Variants in ZSCAN25 observed in about 807,000 individuals in gnomAD.
ZSCAN25 encodes the protein zinc finger and SCAN domain-containing protein 25.
ZSCAN25 carries 27 observed loss-of-function variants against 38.7 expected under a neutral mutation model. The ratio of observed to expected loss-of-function variants is 0.70; its 90% CI spans 0.51 to 0.96. ZSCAN25 has a LOEUF of 0.96. Among genes scored for constraint, ZSCAN25 ranks in the 40% least tolerant of loss-of-function variants. The probability of loss-of-function intolerance (pLI) is 0.00; values close to 1 mark genes in which losing one functional copy is unlikely to be tolerated. For missense variants in ZSCAN25, 637 were observed against 705.9 expected (o/e 0.90, Z 1.11); for synonymous variants, 273 against 277.7 (o/e 0.98, Z 0.17).
chr7:99,667,043 A>G, the ZSCAN25 span: 1 of 1,614,112 alleles, frequency 6.2e-7, no homozygotes, highest in Non-Finnish European at 8.5e-7. Flanking sequence ...GGCACTTTTC[A>G]TAAATCCCAC....
chr7:99,677,467 G>T, the ZSCAN25 span, among the ~76,000 whole-genome samples: 1 of 152,218 alleles, frequency 6.6e-6, no homozygotes, highest in African/African-American at 2.4e-5. Flanking sequence ...GTGCAGTATG[G>T]CATATAAGAT....
chr7:99,717,433 ACTC>A, the ZSCAN25 span: 1 of 1,584,374 alleles, frequency 6.3e-7, no homozygotes, highest in Non-Finnish European at 8.6e-7. Context: ...TCAGCAGACT[ACTC>A]CTCGGAAAGG....
intron 6 of ZSCAN25, 57 bp from the exon 7 acceptor site, chr7:99,623,998 AGC>A: frequency 6.2e-7 from 1 of 1,610,806 alleles, no homozygotes; most frequent in Non-Finnish European, 8.5e-7. Flanking sequence ...TACAGACATG[AGC>A]CACTGTCTCT....
chr7:99,650,191 G>A, the ZSCAN25 span: 3 of 1,614,076 alleles, frequency 1.9e-6, no homozygotes, highest in East Asian at 2.2e-5. Flanking sequence ...TCCAAAGGGT[G>A]TGTATATGTA....
the ZSCAN25 span, among the ~76,000 whole-genome samples, chr7:99,658,520 TC>T: frequency 6.6e-6 from 1 of 152,120 alleles, no homozygotes; most frequent in South Asian, 2.1e-4. Flanking sequence ...TAACATTTTT[TC>T]CTTCATTTCA....
the ZSCAN25 span, chr7:99,713,400 C>T: frequency 1.2e-6 from 2 of 1,603,840 alleles, no homozygotes; most frequent in South Asian, 2.2e-5. Flanking sequence ...ATACTTCCTG[C>T]ACATTTTCAG....
chr7:99,724,456 C>A, the ZSCAN25 span, among the ~76,000 whole-genome samples: 2 of 152,102 alleles, frequency 1.3e-5, no homozygotes, highest in Non-Finnish European at 2.9e-5. Context: ...TGTGACTCAT[C>A]CCAAATCTTT....
the ZSCAN25 span, among the ~76,000 whole-genome samples, chr7:99,637,542 A>G: frequency 6.6e-6 from 1 of 152,200 alleles, no homozygotes; most frequent in Non-Finnish European, 1.5e-5. Flanking sequence ...CTGCTCGTGC[A>G]TGATGTATGT....
the ZSCAN25 span, among the ~76,000 whole-genome samples, chr7:99,666,280 A>G: frequency 6.6e-6 from 1 of 152,342 alleles, no homozygotes; most frequent in South Asian, 2.1e-4. Context: ...CCACAGTTCC[A>G]TATCCACTAC....
the ZSCAN25 span, among the ~76,000 whole-genome samples, chr7:99,734,142 A>G: frequency 6.6e-6 from 1 of 152,240 alleles, no homozygotes; most frequent in African/African-American, 2.4e-5. Context: ...CAGTAGATGG[A>G]AACTATGTTA....
the ZSCAN25 span, among the ~76,000 whole-genome samples, chr7:99,711,699 C>A: frequency 6.6e-6 from 1 of 152,268 alleles, no homozygotes; most frequent in Non-Finnish European, 1.5e-5. Flanking sequence ...ATCTGGGAGG[C>A]TGAGGTTGTG....
chr7:99,735,276 T>A, the ZSCAN25 span: 22 of 741,948 alleles, frequency 3.0e-5, 1 homozygote, highest in African/African-American at 2.6e-4. Context: ...AGGGCCCCCG[T>A]GCTCTGCCTG....
chr7:99,619,998 G>T lies in ZSCAN25; in HGVS notation c.387+5G>T, dbSNP rs754706523. 18 of 1,607,718 alleles carry T rather than the reference G, an allele frequency of 1.1e-5. No homozygotes were observed. Among genetic ancestry groups the T allele is most frequent in the Non-Finnish European group, 1.5e-5 (18 of 1,177,950 alleles). On this transcript the variant is annotated splice_donor_5th_base_variant and intron_variant, in intron 4 of 7. Transcript: ENST00000394152. ...AGAGCACTGGAGGCCAAGGCGGTGG[G>T]TGAGGAGGGGATCCAGGTCTGGCGC...
intron 7 of ZSCAN25, among the ~76,000 whole-genome samples, chr7:99,625,753 T>C (rs888728272): frequency 1.2e-4 from 19 of 152,104 alleles, no homozygotes; most frequent in African/African-American, 3.9e-4. Context: ...ATTTTCATGC[T>C]CTCCTGGCCA....
At chr7:99,666,523 G>T in the ZSCAN25 span, 1 of 1,451,230 alleles carries the variant, frequency 6.9e-7, no homozygotes, top group Non-Finnish European at 9.7e-7. Context: ...TAACCCAACA[G>T]TGCGACTGTC....
chr7:99,617,359 A>G (rs930576614), intron 1 of ZSCAN25, among the ~76,000 whole-genome samples: 1 of 152,186 alleles, frequency 6.6e-6, no homozygotes, highest in African/African-American at 2.4e-5. Context: ...ATCACATAGG[A>G]CACTTATTTA....
At chr7:99,647,776 T>A in the ZSCAN25 span, 64 of 985,434 alleles carry the variant, frequency 6.5e-5, no homozygotes, top group African/African-American at 1.1e-3. Flanking sequence ...TGATAAAAAA[T>A]GTTTATTTGC....
the ZSCAN25 span, chr7:99,676,376 C>T: frequency 3.3e-6 from 5 of 1,525,008 alleles, no homozygotes; most frequent in Non-Finnish European, 4.4e-6. Flanking sequence ...CAGGTCCTTT[C>T]CTGACTATTC....
At chr7:99,679,414 T>G in the ZSCAN25 span, among the ~76,000 whole-genome samples, 5 of 152,100 alleles carry the variant, frequency 3.3e-5, no homozygotes, top group Non-Finnish European at 7.4e-5. Context: ...AGAAAGCGAA[T>G]TAATGAGACA....
Sources: gnomAD v4.1 joint callset for allele counts (sites outside exome capture counted in the v4.1 genomes callset) on GRCh38, gnomAD v4.1.1 for gene constraint, MANE v1.5 for transcripts, NCBI Gene and HGNC (gene_info 2026-07-23, HGNC 2026-07-21) for gene names.